VPS13D: variants seen among roughly 807,000 people sequenced by gnomAD.
The protein encoded by VPS13D is vacuolar protein sorting 13 homolog D.
In VPS13D, 187 loss-of-function variants were observed where a neutral mutation model predicts 461.9. The ratio of observed to expected loss-of-function variants is 0.40; its 90% CI spans 0.36 to 0.46. The LOEUF is 0.46. Ranked by LOEUF, VPS13D falls within the 20% of genes least tolerant of loss-of-function variation. VPS13D has a pLI of 0.60. For missense variants in VPS13D, 4,711 were observed against 5,364.9 expected, an observed-to-expected ratio of 0.88 and a Z score of 3.81; for synonymous variants, 1,951 against 1,986.3, an observed-to-expected ratio of 0.98 and a Z score of 0.47.
intron 44 of VPS13D, 63 bp from the exon 45 acceptor site, chr1:12,348,760 A>G (rs1328534316): frequency 7.6e-6 from 12 of 1,581,068 alleles, no homozygotes; most frequent in Non-Finnish European, 1.0e-5. Flanking sequence ...TCTGATCGAT[A>G]TTATTGTATT....
At chr1:12,466,327 G>A (rs1645482766) in intron 67 of VPS13D, among the ~76,000 whole-genome samples, 1 of 152,116 alleles carries the variant, frequency 6.6e-6, no homozygotes, top group African/African-American at 2.4e-5. Context: ...GGTAAAGATT[G>A]AGTAAAGATT....
At chr1:12,469,637 G>T (rs1004270565) in intron 67 of VPS13D, among the ~76,000 whole-genome samples, 1 of 152,200 alleles carries the variant, frequency 6.6e-6, no homozygotes, top group Admixed American at 6.5e-5. Context: ...CGTAGGAGCC[G>T]CTGTAATGCA....
chr1:12,283,101 G>T lies in VPS13D; in HGVS notation c.4999G>T (p.Ala1667Ser), dbSNP rs754943517. 8 of 1,614,002 alleles carry T rather than the reference G, an allele frequency of 5.0e-6. No homozygotes were observed. The highest frequency in any genetic ancestry group is 1.3e-5 in the African/African-American group (1 of 74,886). The change falls in exon 21 of 70, where the codon GCC becomes TCC. Residue 1667 changes from alanine (A) to serine (S), a missense_variant. Coordinates refer to ENST00000620676, the MANE Select transcript of VPS13D (RefSeq NM_015378.4). ...DHPQTLSIQI[A>S]LHSLLMEDLL... is the part of the protein sequence containing the mutation. ...TCCCCAGACTTTATCTATTCAGATT[G>T]CCCTGCATTCTCTGCTGATGGAGGA...
chr1:12,239,503 T>G (rs1410120529), intron 2 of VPS13D, among the ~76,000 whole-genome samples: 6 of 152,226 alleles, frequency 3.9e-5, no homozygotes, highest in Admixed American at 6.5e-5. Context: ...CGAGGTGGAA[T>G]GCACCCTGTG....
chr1:12,497,726 T>A, intron 68 of VPS13D, 95 bp downstream of exon 68: 1 of 1,442,716 alleles, frequency 6.9e-7, no homozygotes, highest in Non-Finnish European at 9.3e-7. Flanking sequence ...GTTATTTTCA[T>A]GACTCTTGGA....
At position 12,486,188 on chromosome 1, in the gene VPS13D, A is replaced by C. The variant is rs550002269; in HGVS notation, c.12663-11312A>C. On this transcript the variant is annotated intron_variant, in intron 67 of 69. Coordinates refer to ENST00000620676, the MANE Select transcript of VPS13D (RefSeq NM_015378.4). ...CCATCTCTTGCTTCTAGAGGGGCAC[A>C]TCTGGCTAGAGGTGGCCCTGGCTTC... Among the ~76,000 whole-genome samples, 33 of 152,330 alleles carry C rather than the reference A, an allele frequency of 2.2e-4. 1 individual carries two copies. The South Asian group carries it at 3.9e-3, about 18-fold the overall frequency.
chr1:12,304,438 A>G (rs533592534), intron 25 of VPS13D, 68 bp from the exon 26 acceptor site: 1 of 1,403,246 alleles, frequency 7.1e-7, no homozygotes, highest in East Asian at 2.5e-5. Context: ...TATTAAAGAT[A>G]GAGTCCCACC....
intron 5 of VPS13D, among the ~76,000 whole-genome samples, chr1:12,248,245 C>T (rs910516790): frequency 6.6e-6 from 1 of 152,002 alleles, no homozygotes; most frequent in African/African-American, 2.4e-5. Context: ...TATAAGAGCT[C>T]TCTATATATT....
At chr1:12,441,970 T>C (rs78556445) in intron 65 of VPS13D, among the ~76,000 whole-genome samples, 71 of 152,340 alleles carry the variant, frequency 4.7e-4, no homozygotes, top group Non-Finnish European at 9.0e-4. Context: ...TTTTTTGCTG[T>C]TATTGTCATG....
In VPS13D at chr1:12,279,986, A is replaced by G. The variant is rs1641728856; in HGVS notation, c.4602+336A>G. Among the ~76,000 whole-genome samples the G allele has an allele frequency of 6.6e-6, 1 of 152,146 alleles. No individual in the cohort carries two copies. The highest frequency in any genetic ancestry group is 2.4e-5 in the African/African-American group (1 of 41,434). On this transcript the variant is annotated intron_variant, in intron 20 of 69. Transcript: ENST00000620676. The surrounding 1 kb of genome is among the most constrained non-coding windows in gnomAD (Gnocchi z 4.3). The stretch of plus-strand genomic sequence containing the variant: ...AGGATATCATTCTTGTCACACTTAG[A>G]CATACTTAACACAGCCAGTGAAACA...
At position 12,509,278 on chromosome 1, in the gene VPS13D, G is replaced by T; in HGVS notation, c.*254G>T. 2 of 442,868 alleles carry T rather than the reference G, an allele frequency of 4.5e-6. No homozygotes were observed. The highest frequency in any genetic ancestry group is 4.0e-6 in the Non-Finnish European group (1 of 251,764). The allele number at this position is 442,868 out of a possible 1,614,324, so 27.4% of individuals were successfully genotyped here. Reference sequence around the variant, plus strand: ...TAAATAACGTTTAAAAACATGTACTGAGATGAATCTAATTTTTAGATTGCC... The same window carrying T: ...TAAATAACGTTTAAAAACATGTACTTAGATGAATCTAATTTTTAGATTGCC... On this transcript the variant is annotated 3_prime_UTR_variant, in exon 70 of 70. Coordinates refer to ENST00000620676, the MANE Select transcript of VPS13D (RefSeq NM_015378.4).
At chr1:12,261,778 GTTCT>G (rs1641116949) in intron 12 of VPS13D, 119 bp from the exon 13 acceptor site, 2 of 856,962 alleles carry the variant, frequency 2.3e-6, no homozygotes, top group African/African-American at 1.7e-5. Context: ...TGACTTTGGA[GTTCT>G]TTCTTAACAA....
At chr1:12,447,594 T>C (rs890608970) in intron 65 of VPS13D, among the ~76,000 whole-genome samples, 1 of 152,228 alleles carries the variant, frequency 6.6e-6, no homozygotes, top group Non-Finnish European at 1.5e-5. Flanking sequence ...AACGGATTTC[T>C]TTCTAAAAAC....
intron 65 of VPS13D, among the ~76,000 whole-genome samples, chr1:12,432,176 C>T (rs929370844): frequency 2.6e-5 from 4 of 152,098 alleles, no homozygotes; most frequent in Non-Finnish European, 5.9e-5. Context: ...GGCGGATAAC[C>T]TGAGGTCGGG....
intron 18 of VPS13D, among the ~76,000 whole-genome samples, chr1:12,274,319 C>T (rs1321107986): frequency 1.3e-5 from 2 of 152,056 alleles, no homozygotes; most frequent in African/African-American, 2.4e-5. Flanking sequence ...GGATTATAGG[C>T]GTGAGCCACC....
intron 60 of VPS13D, among the ~76,000 whole-genome samples, chr1:12,397,718 G>GT (rs1339181640): frequency 6.6e-6 from 1 of 152,190 alleles, no homozygotes; most frequent in South Asian, 2.1e-4. Flanking sequence ...GATAACTGCT[G>GT]TAAAGAATAG....
At chr1:12,455,958 A>G (rs762782844) in intron 65 of VPS13D, 40 bp from the exon 66 acceptor site, 9 of 1,564,518 alleles carry the variant, frequency 5.8e-6, no homozygotes, top group Non-Finnish European at 7.8e-6. Flanking sequence ...AAATAGTGCC[A>G]AGACTTTAAA....
intron 24 of VPS13D, among the ~76,000 whole-genome samples, chr1:12,296,868 C>T (rs374757307): frequency 3.2e-4 from 48 of 152,188 alleles, no homozygotes; most frequent in Admixed American, 2.6e-3. Flanking sequence ...GGTTAGGAAA[C>T]GAGATACTTG....
chr1:12,328,058 A>G (rs578020140), intron 36 of VPS13D, among the ~76,000 whole-genome samples: 1 of 152,292 alleles, frequency 6.6e-6, no homozygotes, highest in East Asian at 1.9e-4. Flanking sequence ...TAGCTTGGGA[A>G]TAGGAATGGT....
Sources: allele counts gnomAD v4.1 joint callset (sites outside exome capture counted in the v4.1 genomes callset), GRCh38; gene constraint gnomAD v4.1.1; non-coding constraint Gnocchi (gnomAD v3.1); transcripts MANE v1.5; gene names NCBI Gene and HGNC (gene_info 2026-07-23, HGNC 2026-07-21).